FTO: variants seen among roughly 807,000 people sequenced by gnomAD.
FTO encodes the protein FTO alpha-ketoglutarate dependent dioxygenase, also known as alpha-ketoglutarate-dependent dioxygenase FTO.
Under a neutral mutation model 63.9 loss-of-function variants are expected in FTO, and 47 were observed. The observed-to-expected ratio is 0.74, with a 90% confidence interval of 0.58 to 0.94. The LOEUF is 0.94. Ranked by LOEUF, FTO falls within the 40% of genes least tolerant of loss-of-function variation. The pLI, the probability that FTO is intolerant of heterozygous loss-of-function variation, is 0.00. For synonymous variants in FTO, 207 were observed against 224.4 expected (o/e 0.92, Z 0.69); for missense variants, 562 against 618.1 (o/e 0.91, Z 0.96).
chr16:53,796,057 T>TC (rs1216025117), intron 1 of FTO, among the ~76,000 whole-genome samples: 17 of 150,510 alleles, frequency 1.1e-4, no homozygotes, highest in Non-Finnish European at 2.5e-4. Context: ...TTCTTTTTTT[T>TC]TTTTTTTTGG....
chr16:53,990,341 T>C (rs2083779450), intron 8 of FTO, among the ~76,000 whole-genome samples: 2 of 152,190 alleles, frequency 1.3e-5, no homozygotes, highest in Non-Finnish European at 2.9e-5. Flanking sequence ...TAGATGAGGA[T>C]GCTAAAATTT....
chr16:53,944,403 G>C (rs1002756633), intron 8 of FTO, among the ~76,000 whole-genome samples: 2 of 152,224 alleles, frequency 1.3e-5, no homozygotes, highest in African/African-American at 4.8e-5. Flanking sequence ...TAGATAGGTA[G>C]CTATTTGTCT....
chr16:53,727,430 T>A (rs1286055753), intron 1 of FTO, among the ~76,000 whole-genome samples: 1 of 152,246 alleles, frequency 6.6e-6, no homozygotes, highest in Non-Finnish European at 1.5e-5. Context: ...ATGATTACTA[T>A]CTCATTTAAG....
At chr16:53,950,044 G>C (rs1200198908) in intron 8 of FTO, among the ~76,000 whole-genome samples, 2 of 146,416 alleles carry the variant, frequency 1.4e-5, no homozygotes, top group African/African-American at 2.5e-5. Flanking sequence ...TCTTTTTTTG[G>C]GGGGGGAAAG....
At chr16:53,772,329 C>G (rs956733487) in intron 1 of FTO, among the ~76,000 whole-genome samples, 8 of 151,956 alleles carry the variant, frequency 5.3e-5, no homozygotes, top group Admixed American at 2.0e-4. Flanking sequence ...ACTTTCTTCC[C>G]CCAGGTATCT....
Position 53,826,195 on chromosome 16 carries a change from A to C in FTO, c.455A>C (p.Gln152Pro). 6 of 1,614,186 alleles carry C rather than the reference A, an allele frequency of 3.7e-6. No individual in the cohort carries two copies. Among genetic ancestry groups the C allele is most frequent in the Non-Finnish European group, 5.1e-6 (6 of 1,180,042 alleles). The change falls in exon 3 of 9, where the codon CAG becomes CCG. Residue 152 changes from glutamine to proline, a missense_variant. Physicochemically the swap from Gln to Pro is moderately conservative, Grantham distance 76 (BLOSUM62 -1). Transcript: ENST00000471389. Reference sequence around the variant, plus strand: ...GACTACCTGCAGATAGAAACCATCCAGGCTTTGGAAGAACTTGCTGCCAAA... The same window carrying C: ...GACTACCTGCAGATAGAAACCATCCCGGCTTTGGAAGAACTTGCTGCCAAA... ...LNDYLQIETI[Q>P]ALEELAAKEK...
chr16:53,843,843 G>T (rs911459468), intron 3 of FTO, among the ~76,000 whole-genome samples: 1 of 151,462 alleles, frequency 6.6e-6, no homozygotes, highest in African/African-American at 2.4e-5. Flanking sequence ...AGAGATGGGG[G>T]TCTTGATTTC....
chr16:53,744,830 C>CG (rs1454981127), intron 1 of FTO, among the ~76,000 whole-genome samples: 4 of 68,388 alleles, frequency 5.8e-5, no homozygotes, highest in African/African-American at 1.0e-4. Flanking sequence ...TTTCTTCCCC[C>CG]CCCCCATATA....
intron 8 of FTO, among the ~76,000 whole-genome samples, chr16:54,018,405 G>GATAC (rs1304411929): frequency 9.5e-5 from 13 of 137,222 alleles, no homozygotes; most frequent in African/African-American, 1.7e-4. Context: ...TAGATAGATA[G>GATAC]ATAGATACAT....
In FTO at chr16:54,117,835, C is replaced by T. The variant is rs1262584991; in HGVS notation, c.*5920C>T. ...ACAATTGTTTATTGACTCTGAATGT[C>T]TAAGTACCAGGGTCAGTCTATTTCA... On this transcript the variant is annotated 3_prime_UTR_variant, in exon 9 of 9. Transcript: ENST00000471389. The T allele has an allele frequency of 6.6e-6, 1 of 152,190 alleles. No homozygotes were observed. The highest frequency in any genetic ancestry group is 2.4e-5 in the African/African-American group (1 of 41,452). 9.4% of individuals were successfully genotyped at this position (152,190 alleles called of 1,614,324 possible).
chr16:53,955,298 G>C (rs1020914849), intron 8 of FTO, among the ~76,000 whole-genome samples: 1 of 152,308 alleles, frequency 6.6e-6, no homozygotes, highest in East Asian at 1.9e-4. Flanking sequence ...CCTGTTTCTT[G>C]TGCTGGTAGA....
chr16:53,707,368 T>A (rs769789481), intron 1 of FTO, among the ~76,000 whole-genome samples: 7 of 152,226 alleles, frequency 4.6e-5, no homozygotes, highest in Non-Finnish European at 7.3e-5. Flanking sequence ...TGCCAGTCAT[T>A]GGATTAGGAC....
At chr16:53,953,704 T>C (rs1389853464) in intron 8 of FTO, among the ~76,000 whole-genome samples, 1 of 152,098 alleles carries the variant, frequency 6.6e-6, no homozygotes, top group Non-Finnish European at 1.5e-5. Flanking sequence ...CAGCAAACTA[T>C]TAATTTACCA....
intron 7 of FTO, among the ~76,000 whole-genome samples, chr16:53,918,260 A>G (rs2081929161): frequency 1.3e-5 from 2 of 152,320 alleles, no homozygotes; most frequent in South Asian, 4.1e-4. Flanking sequence ...GTACTTACAC[A>G]AACCTAGAAG....
chr16:54,097,189 A>G (rs1183860889), intron 8 of FTO, among the ~76,000 whole-genome samples: 1 of 152,194 alleles, frequency 6.6e-6, no homozygotes, highest in Non-Finnish European at 1.5e-5. Flanking sequence ...GATCTAAGTA[A>G]TGATGGCCAG....
At chr16:54,100,812 G>A (rs772202453) in intron 8 of FTO, among the ~76,000 whole-genome samples, 1 of 152,188 alleles carries the variant, frequency 6.6e-6, no homozygotes, top group East Asian at 1.9e-4. Context: ...TTTTGAGAGG[G>A]ACAGGAGAAA....
intron 8 of FTO, among the ~76,000 whole-genome samples, chr16:54,036,804 A>G (rs557666679): frequency 2.0e-5 from 3 of 152,338 alleles, no homozygotes; most frequent in South Asian, 4.1e-4. Flanking sequence ...GTAGTAATAC[A>G]GAGGACACTT....
intron 1 of FTO, among the ~76,000 whole-genome samples, chr16:53,718,265 TG>T (rs1042165549): frequency 6.6e-6 from 1 of 152,140 alleles, no homozygotes; most frequent in African/African-American, 2.4e-5. Context: ...TTTATATTTT[TG>T]ATTACTATTT....
At chr16:53,946,812 G>A (rs1019704208) in intron 8 of FTO, among the ~76,000 whole-genome samples, 8 of 152,210 alleles carry the variant, frequency 5.3e-5, no homozygotes, top group African/African-American at 1.2e-4. Flanking sequence ...ACCAGAATAC[G>A]GGCCTGGGAG....
Sources: gnomAD v4.1 joint callset for allele counts (sites outside exome capture counted in the v4.1 genomes callset) on GRCh38, gnomAD v4.1.1 for gene constraint, MANE v1.5 for transcripts, NCBI Gene and HGNC (gene_info 2026-07-23, HGNC 2026-07-21) for gene names.